Variants in TLE4 observed in about 807,000 individuals in gnomAD.
The protein encoded by TLE4 is TLE family member 4, transcriptional corepressor.
A neutral mutation model predicts 92.8 loss-of-function variants in TLE4; 8 were observed. The ratio of observed to expected loss-of-function variants is 0.09; its 90% CI spans 0.05 to 0.16. The LOEUF (loss-of-function observed/expected upper bound fraction) is 0.16. TLE4 is among the 10% of genes least tolerant of loss of function. The pLI is 1.00. For missense variants in TLE4, 675 were observed against 997.6 expected, an observed-to-expected ratio of 0.68 and a Z score of 4.36; for synonymous variants, 371 against 374.1, an observed-to-expected ratio of 0.99 and a Z score of 0.10.
chr9:79,603,292 A>G (rs2046068331), intron 4 of TLE4, among the ~76,000 whole-genome samples: 1 of 152,150 alleles, frequency 6.6e-6, no homozygotes, highest in African/African-American at 2.4e-5. Context: ...ACTACAGAGA[A>G]GTTCTTTGGG....
chr9:79,600,099 C>T (rs754847366), intron 4 of TLE4, among the ~76,000 whole-genome samples: 4 of 152,098 alleles, frequency 2.6e-5, no homozygotes, highest in Non-Finnish European at 4.4e-5. Context: ...GTAATGCATT[C>T]GTGGTTTAGG....
chr9:79,657,281 T>C (rs1342823229), intron 8 of TLE4, among the ~76,000 whole-genome samples: 1 of 152,140 alleles, frequency 6.6e-6, no homozygotes, highest in African/African-American at 2.4e-5. Flanking sequence ...TCACCCTTAA[T>C]GGTAGGGCAG....
At chr9:79,587,477 C>G (rs927379047) in intron 4 of TLE4, among the ~76,000 whole-genome samples, 1 of 152,156 alleles carries the variant, frequency 6.6e-6, no homozygotes, top group Non-Finnish European at 1.5e-5. Flanking sequence ...GTTTAAATGA[C>G]CAGCTTAAAA....
intron 5 of TLE4, among the ~76,000 whole-genome samples, chr9:79,617,124 C>G (rs2049836624): frequency 1.3e-5 from 2 of 152,118 alleles, no homozygotes; most frequent in South Asian, 2.1e-4. Flanking sequence ...GGGAAGAGTT[C>G]AAGGTAATAT....
intron 14 of TLE4, among the ~76,000 whole-genome samples, chr9:79,716,970 ATCT>A (rs2074620299): frequency 6.6e-6 from 1 of 152,234 alleles, no homozygotes; most frequent in Non-Finnish European, 1.5e-5. Context: ...GTGATTGAAC[ATCT>A]TCTCCCCCTT....
In TLE4 at chr9:79,681,096, G is replaced by GT. The variant is rs2064469727; in HGVS notation, c.610-23685dup. On this transcript the variant is annotated intron_variant, in intron 8 of 19. Coordinates refer to ENST00000376552, the MANE Select transcript of TLE4 (RefSeq NM_007005.6). ...TATTGGTCTAAAATTCTCTGTTTCG[G>GT]TTGTGTCTCTTACTAGCTGCAGGAC... is the stretch of plus-strand genomic sequence containing the variant. 2.6e-5 allele frequency among the ~76,000 whole-genome samples: 4 copies of GT among 152,066 alleles called. No homozygotes were observed. In the South Asian group the frequency reaches 8.3e-4, roughly 32 times the overall value.
chr9:79,707,319 T>G (rs2071909289), intron 11 of TLE4: 7 of 941,576 alleles, frequency 7.4e-6, no homozygotes, highest in Non-Finnish European at 1.0e-5. Context: ...ATCTAAAAAG[T>G]AATCTCTCAT....
chr9:79,621,401 T>A (rs2050944081), intron 5 of TLE4, among the ~76,000 whole-genome samples: 2 of 152,128 alleles, frequency 1.3e-5, no homozygotes, highest in Admixed American at 1.3e-4. Context: ...GAACATGCAT[T>A]ATGCATTGTC....
At chr9:79,588,261 C>CCT (rs1394886948) in intron 4 of TLE4, among the ~76,000 whole-genome samples, 1 of 151,798 alleles carries the variant, frequency 6.6e-6, no homozygotes, top group African/African-American at 2.4e-5. Context: ...GATTCTCCTG[C>CCT]CTGAGCCTCC....
chr9:79,718,942 A>C lies in TLE4; in HGVS notation c.1561A>C (p.Lys521Gln), dbSNP rs1435640206. 6.2e-7 allele frequency: 1 copy of C among 1,612,692 alleles called. No homozygotes were observed. The highest frequency in any genetic ancestry group is 8.5e-7 in the Non-Finnish European group (1 of 1,178,900). The part of the protein sequence containing the change: ...KVWDISHPGN[K>Q]SPVSQLDCLN... The stretch of plus-strand genomic sequence containing the variant: ...CTGGGACATCAGCCACCCAGGCAAT[A>C]AGAGTCCTGTCTCCCAGCTCGACTG... Residue 521 changes from lysine to glutamine, a missense_variant, in exon 15 of 20, where the codon AAG becomes CAG. This residue lies in a region of TLE4 where 170 missense variants were observed against 359.6 expected (regional missense o/e 0.47). Coordinates refer to ENST00000376552, the MANE Select transcript of TLE4 (RefSeq NM_007005.6).
At chr9:79,630,929 T>A (rs1291042182) in intron 6 of TLE4, among the ~76,000 whole-genome samples, 2 of 152,136 alleles carry the variant, frequency 1.3e-5, no homozygotes, top group Non-Finnish European at 2.9e-5. Flanking sequence ...ATAGACGATG[T>A]GGGTTCCTTT....
chr9:79,688,282 C>T (rs532777306), intron 8 of TLE4, among the ~76,000 whole-genome samples: 13 of 152,248 alleles, frequency 8.5e-5, no homozygotes, highest in African/African-American at 3.1e-4. Context: ...TTAGAATTAG[C>T]CTTCAGGTTA....
At chr9:79,712,306 G>A (rs1316397621) in intron 14 of TLE4, among the ~76,000 whole-genome samples, 3 of 152,156 alleles carry the variant, frequency 2.0e-5, no homozygotes, top group African/African-American at 4.8e-5. Flanking sequence ...GCATGAAGAC[G>A]TATAAAGTTA....
At chr9:79,642,759 A>G (rs2057413859) in intron 6 of TLE4, among the ~76,000 whole-genome samples, 1 of 152,146 alleles carries the variant, frequency 6.6e-6, no homozygotes. Context: ...GAGTTAAACT[A>G]CAAGTTAGGA....
intron 4 of TLE4, among the ~76,000 whole-genome samples, chr9:79,603,691 C>CTCTTGTG (rs2046190449): frequency 6.6e-6 from 1 of 152,154 alleles, no homozygotes; most frequent in Admixed American, 6.5e-5. Context: ...CCCACAGTAT[C>CTCTTGTG]TCTTGTGTAT....
rs1368722735 is a variant in TLE4, at chr9:79,725,541, G to T, written c.*397G>T. The T allele has an allele frequency of 1.2e-5, 2 of 162,736 alleles. No individual in the cohort carries two copies. Among genetic ancestry groups the T allele is most frequent in the African/African-American group, 2.4e-5 (1 of 41,400 alleles). The allele number at this position is 162,736 out of a possible 1,614,324, so 10.1% of individuals were successfully genotyped here. On this transcript the variant is annotated 3_prime_UTR_variant, in exon 20 of 20. Transcript: ENST00000376552. ...TTGATACCCCTCCCCCCCTTTTTTT[G>T]GCAAAGGAGGGGAAAGGAAGGTTTA... is the stretch of plus-strand genomic sequence containing the variant.
rs943803891 is a variant in TLE4 at position 79,726,533 on chromosome 9, G to C, written c.*1389G>C. On this transcript the variant is annotated 3_prime_UTR_variant, in exon 20 of 20. Coordinates refer to ENST00000376552, the MANE Select transcript of TLE4 (RefSeq NM_007005.6). ...TGGACTGTCCATTGACGTTCCTAAT[G>C]TGGTAGCAGAAAAAAAAAAATGGTG... 2 of 65,284 alleles carry C rather than the reference G, an allele frequency of 3.1e-5. No homozygotes were observed. Among genetic ancestry groups the C allele is most frequent in the African/African-American group, 1.0e-4 (2 of 19,398 alleles). The allele number at this position is 65,284 out of a possible 1,614,324, so 4.0% of individuals were successfully genotyped here. A position where few individuals can be genotyped will look rare whatever the true frequency, so the allele number is the denominator to read the frequency against.
intron 6 of TLE4, among the ~76,000 whole-genome samples, chr9:79,651,364 C>T (rs2058954546): frequency 6.6e-6 from 1 of 152,132 alleles, no homozygotes; most frequent in African/African-American, 2.4e-5. Context: ...GCAAGGCTTG[C>T]CCACCGCGGT....
At chr9:79,642,480 A>C (rs537818431) in intron 6 of TLE4, among the ~76,000 whole-genome samples, 19 of 152,010 alleles carry the variant, frequency 1.2e-4, no homozygotes, top group Admixed American at 3.9e-4. Flanking sequence ...TTTTCTGAGT[A>C]CATTCCCTTA....
Sources: gnomAD v4.1 joint callset for allele counts (sites outside exome capture counted in the v4.1 genomes callset) on GRCh38, gnomAD v4.1.1 for gene constraint, gnomAD v4.1.1 regional missense constraint, MANE v1.5 for transcripts, NCBI Gene and HGNC (gene_info 2026-07-23, HGNC 2026-07-21) for gene names.